DAPK1: variants seen among roughly 807,000 people sequenced by gnomAD.
The protein encoded by DAPK1 is death-associated protein kinase 1.
DAPK1 carries 56 observed loss-of-function variants against 144.9 expected under a neutral mutation model. The ratio of observed to expected loss-of-function variants is 0.39; its 90% CI spans 0.31 to 0.48. The LOEUF (loss-of-function observed/expected upper bound fraction) is 0.48. Ranked by LOEUF, DAPK1 falls within the 20% of genes least tolerant of loss-of-function variation. The probability of loss-of-function intolerance (pLI) is 0.95; values close to 1 mark genes in which losing one functional copy is unlikely to be tolerated. For missense variants in DAPK1, 1,454 were observed against 1,875.4 expected (o/e 0.78, Z 4.15); for synonymous variants, 690 against 749.0 (o/e 0.92, Z 1.29).
At chr9:87,704,198 A>G (rs548665361) in intron 25 of DAPK1, among the ~76,000 whole-genome samples, 1 of 152,340 alleles carries the variant, frequency 6.6e-6, no homozygotes, top group Admixed American at 6.5e-5. Context: ...AAGTGATTGA[A>G]TCCAAGGAAG....
intron 17 of DAPK1, 90 bp from the exon 18 acceptor site, chr9:87,657,939 T>C (rs1369461972): frequency 2.1e-5 from 15 of 717,848 alleles, no homozygotes; most frequent in Non-Finnish European, 3.9e-5. Context: ...TGGTGGGCCC[T>C]GACCCCTTCC....
intron 2 of DAPK1, among the ~76,000 whole-genome samples, chr9:87,598,702 A>T (rs1027438352): frequency 6.6e-6 from 1 of 152,202 alleles, no homozygotes; most frequent in Non-Finnish European, 1.5e-5. Context: ...TCCCATGTGA[A>T]CAGAGCCTCC....
chr9:87,695,486 G>T (rs944837121), intron 21 of DAPK1, among the ~76,000 whole-genome samples: 2 of 152,192 alleles, frequency 1.3e-5, no homozygotes, highest in Non-Finnish European at 2.9e-5. Context: ...TGGAGGTTCC[G>T]GGAGTCCTGG....
At chr9:87,637,719 C>T (rs530185604) in intron 3 of DAPK1, among the ~76,000 whole-genome samples, 2 of 152,278 alleles carry the variant, frequency 1.3e-5, no homozygotes, top group East Asian at 1.9e-4. Flanking sequence ...TTTGTGAACA[C>T]GGAACCTTAG....
At chr9:87,666,910 G>A (rs1055963090) in intron 18 of DAPK1, among the ~76,000 whole-genome samples, 1 of 152,186 alleles carries the variant, frequency 6.6e-6, no homozygotes, top group Non-Finnish European at 1.5e-5. Flanking sequence ...CTGTTCAGAC[G>A]TGTCGGGGGC....
chr9:87,606,691 T>C (rs1416030614), intron 3 of DAPK1, among the ~76,000 whole-genome samples: 27 of 44,978 alleles, frequency 6.0e-4, no homozygotes, highest in Admixed American at 1.2e-3. Flanking sequence ...TCCCTCCCTC[T>C]CTCCTTCCTT....
intron 19 of DAPK1, among the ~76,000 whole-genome samples, chr9:87,675,201 A>G (rs912624108): frequency 1.3e-5 from 2 of 152,086 alleles, no homozygotes; most frequent in Non-Finnish European, 1.5e-5. Context: ...CTGGCCCTCT[A>G]CAGAAAGGGT....
chr9:87,618,226 G>A (rs1388881071), intron 3 of DAPK1, among the ~76,000 whole-genome samples: 3 of 152,206 alleles, frequency 2.0e-5, no homozygotes, highest in Non-Finnish European at 4.4e-5. Context: ...CAGAAGCACT[G>A]TGAGATGGCG....
At chr9:87,684,260 G>T (rs888103903) in intron 20 of DAPK1, among the ~76,000 whole-genome samples, 1 of 152,216 alleles carries the variant, frequency 6.6e-6, no homozygotes, top group Admixed American at 6.5e-5. Flanking sequence ...TCCTGAGCAT[G>T]CCTCCAGGGA....
At chr9:87,640,674 T>G (rs1255326267) in intron 8 of DAPK1, 128 bp from the exon 9 acceptor site, 2 of 1,122,538 alleles carry the variant, frequency 1.8e-6, no homozygotes, top group East Asian at 2.4e-5. Context: ...ACCGATGTTG[T>G]TTTTGGCTTT....
chr9:87,508,444 G>A (rs1475066970), intron 2 of DAPK1, among the ~76,000 whole-genome samples: 3 of 151,190 alleles, frequency 2.0e-5, no homozygotes, highest in African/African-American at 7.3e-5. Flanking sequence ...CCGGGTTCAC[G>A]CCATTCTCCT....
At chr9:87,498,499 G>T (rs1175142433) in intron 1 of DAPK1, 2 of 249,564 alleles carry the variant, frequency 8.0e-6, no homozygotes, top group Non-Finnish European at 1.5e-5. Context: ...GGAGAGGGTG[G>T]CCACGGTGTT....
chr9:87,537,973 G>A (rs915416902), intron 2 of DAPK1, among the ~76,000 whole-genome samples: 2 of 152,146 alleles, frequency 1.3e-5, no homozygotes, highest in African/African-American at 4.8e-5. Flanking sequence ...AGGAATTACA[G>A]TTGTTTTACG....
intron 2 of DAPK1, among the ~76,000 whole-genome samples, chr9:87,545,646 C>T (rs1215285534): frequency 6.6e-6 from 1 of 152,052 alleles, no homozygotes; most frequent in East Asian, 1.9e-4. Context: ...TCCCGGGTTC[C>T]AGCGATTCTC....
chr9:87,507,562 A>C (rs1261633052), intron 2 of DAPK1, among the ~76,000 whole-genome samples: 1 of 152,188 alleles, frequency 6.6e-6, no homozygotes, highest in Non-Finnish European at 1.5e-5. Context: ...GAGCTTGAAA[A>C]ATTTTATTCA....
intron 3 of DAPK1, among the ~76,000 whole-genome samples, chr9:87,623,705 G>A (rs1305951713): frequency 6.6e-6 from 1 of 152,180 alleles, no homozygotes; most frequent in African/African-American, 2.4e-5. Context: ...TTCCTGAGAG[G>A]AAGGGATTGT....
chr9:87,612,450 G>A (rs1274757722), intron 3 of DAPK1, among the ~76,000 whole-genome samples: 1 of 152,166 alleles, frequency 6.6e-6, no homozygotes, highest in Non-Finnish European at 1.5e-5. Context: ...GCATGGAGCA[G>A]ATTCATCCTC....
intron 2 of DAPK1, among the ~76,000 whole-genome samples, chr9:87,598,108 G>A (rs892713484): frequency 6.6e-6 from 1 of 152,112 alleles, no homozygotes; most frequent in African/African-American, 2.4e-5. Flanking sequence ...AACCGTTTCT[G>A]TTCCTCACCC....
At chr9:87,528,420 G>A (rs1013375493) in intron 2 of DAPK1, among the ~76,000 whole-genome samples, 47 of 152,022 alleles carry the variant, frequency 3.1e-4, no homozygotes, top group African/African-American at 1.0e-3. Flanking sequence ...GTTTCGCCAC[G>A]TTGGCCAGGC....
Sources: gnomAD v4.1 joint callset for allele counts (sites outside exome capture counted in the v4.1 genomes callset) on GRCh38, gnomAD v4.1.1 for gene constraint, MANE v1.5 for transcripts, NCBI Gene and HGNC (gene_info 2026-07-23, HGNC 2026-07-21) for gene names.